The following ZDHHC2 variants were observed in gnomAD, a reference collection of about 807,000 sequenced individuals.
ZDHHC2 encodes the protein zDHHC palmitoyltransferase 2.
Under a neutral mutation model 55.6 loss-of-function variants are expected in ZDHHC2, and 51 were observed. That is an observed-to-expected ratio of 0.92 (90% confidence interval 0.73 to 1.16). The LOEUF is 1.16. Among genes scored for constraint, ZDHHC2 ranks in the 50% most tolerant of loss-of-function variants. The pLI, the probability that ZDHHC2 is intolerant of heterozygous loss-of-function variation, is 0.00. For missense variants in ZDHHC2, 491 were observed against 442.4 expected (o/e 1.11, Z -0.99); for synonymous variants, 199 against 152.9 (o/e 1.30, Z -2.22).
At position 17,186,832 on chromosome 8, in the gene ZDHHC2, A is replaced by T. The variant is rs138081357; in HGVS notation, c.252+407A>T. 2.7e-3 allele frequency among the ~76,000 whole-genome samples: 411 copies of T among 152,350 alleles called. 1 individual carries two copies. The highest frequency in any genetic ancestry group is 9.3e-3 in the African/African-American group (386 of 41,580). ...TAATGGCTTAGCTAATCTTCTCTGC[A>T]TTCAAAAAGTCTGTAGCTAGTCCAC... On this transcript the variant is annotated intron_variant, in intron 3 of 12. Transcript: ENST00000262096.
chr8:17,214,478 T>G (rs1190017603), intron 10 of ZDHHC2, among the ~76,000 whole-genome samples: 2 of 152,220 alleles, frequency 1.3e-5, no homozygotes, highest in African/African-American at 4.8e-5. Context: ...ACATTCATAT[T>G]TTCTTCCATA....
intron 2 of ZDHHC2, among the ~76,000 whole-genome samples, chr8:17,185,436 C>A (rs1038623456): frequency 6.6e-6 from 1 of 151,852 alleles, no homozygotes; most frequent in African/African-American, 2.4e-5. Flanking sequence ...GCGGGCAGAT[C>A]ATTTGAGGTC....
At chr8:17,194,236 C>A (rs1034065595) in intron 3 of ZDHHC2, among the ~76,000 whole-genome samples, 2 of 151,652 alleles carry the variant, frequency 1.3e-5, no homozygotes, top group African/African-American at 4.8e-5. Flanking sequence ...ATATGTGTGC[C>A]TCTGTCTTTA....
chr8:17,205,168 C>G (rs1227355586), intron 6 of ZDHHC2, among the ~76,000 whole-genome samples: 2 of 152,162 alleles, frequency 1.3e-5, no homozygotes, highest in African/African-American at 4.8e-5. Context: ...CTTAAAGCTC[C>G]CATTTAATAT....
Position 17,212,484 on chromosome 8 carries a change from T to C in ZDHHC2, c.950+2004T>C, listed in dbSNP as rs181414652. ...TCCTGGATTCCTCTCTTTCAATTAC[T>C]TTGTATTTACTCCATTTGCAAATCC... On this transcript the variant is annotated intron_variant, in intron 10 of 12. Transcript: ENST00000262096. Among the ~76,000 whole-genome samples, 83 of 152,340 alleles carry C rather than the reference T, an allele frequency of 5.4e-4. 1 individual carries two copies. Among genetic ancestry groups the C allele is most frequent in the Non-Finnish European group, 5.4e-4 (37 of 68,028 alleles).
intron 6 of ZDHHC2, among the ~76,000 whole-genome samples, chr8:17,203,645 T>C (rs1806928303): frequency 1.3e-5 from 2 of 152,082 alleles, no homozygotes; most frequent in African/African-American, 4.8e-5. Context: ...CAGAATACAG[T>C]TAGATTAGGC....
At position 17,223,181 on chromosome 8, in the gene ZDHHC2, T is replaced by C. The variant is rs527360642; in HGVS notation, c.*2960T>C. On this transcript the variant is annotated 3_prime_UTR_variant, in exon 13 of 13. Transcript: ENST00000262096. ...AAACGGGCTCGGCTGATTCTGAAAT[T>C]GTACTGTATCATTTGGTATTTACTT... The C allele has an allele frequency of 6.6e-6, 1 of 152,066 alleles. No homozygotes were observed. Among genetic ancestry groups the C allele is most frequent in the African/African-American group, 2.4e-5 (1 of 41,576 alleles). 9.4% of individuals were successfully genotyped at this position (152,066 alleles called of 1,614,324 possible).
intron 1 of ZDHHC2, among the ~76,000 whole-genome samples, chr8:17,177,030 A>G (rs765377166): frequency 7.9e-5 from 12 of 152,220 alleles, no homozygotes; most frequent in Non-Finnish European, 1.2e-4. Flanking sequence ...TTGACCTCTA[A>G]TACACTAAAA....
At chr8:17,198,291 G>C (rs1402874487) in intron 5 of ZDHHC2, 90 bp from the exon 6 acceptor site, 4 of 1,263,832 alleles carry the variant, frequency 3.2e-6, no homozygotes, top group Non-Finnish European at 4.2e-6. Flanking sequence ...TGCCGCAGCT[G>C]TTTGAACTAA....
chr8:17,198,533 T>G, intron 6 of ZDHHC2, 120 bp downstream of exon 6: 2 of 919,886 alleles, frequency 2.2e-6, no homozygotes, highest in Non-Finnish European at 3.0e-6. Context: ...TAGCAGGAAC[T>G]TTTGGATTTA....
intron 1 of ZDHHC2, among the ~76,000 whole-genome samples, chr8:17,167,634 T>TA (rs536777768): frequency 2.0e-5 from 3 of 152,284 alleles, no homozygotes; most frequent in Non-Finnish European, 4.4e-5. Context: ...CATATAACAA[T>TA]AAAAAACCTT....
rs1337223977 is a variant in ZDHHC2 at position 17,207,979 on chromosome 8, A to T, written c.617A>T (p.Gln206Leu). The T allele has an allele frequency of 6.4e-7, 1 of 1,573,528 alleles. No homozygotes were observed. Among genetic ancestry groups the T allele is most frequent in the Non-Finnish European group, 8.6e-7 (1 of 1,158,872 alleles). The change falls in exon 8 of 13, where the codon CAA (glutamine) becomes CTA (leucine). Residue 206 changes from glutamine (Q) to leucine (L), a missense_variant. Transcript: ENST00000262096. The stretch of plus-strand genomic sequence containing the variant: ...TTATAGAATGGCCTACCTGATACTC[A>T]AGCCAAGTTCCATATTATGTTTTTA... Reference protein sequence around the residue: ...KFWTNGLPDTQAKFHIMFLFF... With the variant: ...KFWTNGLPDTLAKFHIMFLFF...
intron 4 of ZDHHC2, among the ~76,000 whole-genome samples, 192 bp from the exon 5 acceptor site, chr8:17,197,390 C>G (rs1188173196): frequency 2.6e-5 from 4 of 152,094 alleles, no homozygotes; most frequent in African/African-American, 9.7e-5. Context: ...CTGGTTAAAC[C>G]TCCAGAGAAC....
chr8:17,177,066 G>A (rs937639437), intron 1 of ZDHHC2, among the ~76,000 whole-genome samples: 1 of 152,162 alleles, frequency 6.6e-6, no homozygotes, highest in Non-Finnish European at 1.5e-5. Flanking sequence ...TTGGAAAGTA[G>A]CTAAAAGGAC....
At chr8:17,160,966 T>A (rs1804315759) in intron 1 of ZDHHC2, among the ~76,000 whole-genome samples, 1 of 152,268 alleles carries the variant, frequency 6.6e-6, no homozygotes. Flanking sequence ...TTACTCGCAG[T>A]TTTGCTGTCT....
chr8:17,202,280 G>T (rs10101958), intron 6 of ZDHHC2, among the ~76,000 whole-genome samples: 10,870 of 139,986 alleles, frequency 0.078, 1,333 homozygotes, highest in African/African-American at 0.26. Context: ...GAGTGCAGTG[G>T]CACGATCTTG....
rs888374485 is a variant in ZDHHC2, at chr8:17,224,684, A to G, written c.*4463A>G. Reference sequence around the variant, plus strand: ...CAGAATGCGTCAGTTCTCCTGTTGTATTTTTCTCAGTTATGAGAGCAAGGC... The same window carrying G: ...CAGAATGCGTCAGTTCTCCTGTTGTGTTTTTCTCAGTTATGAGAGCAAGGC... On this transcript the variant is annotated 3_prime_UTR_variant, in exon 13 of 13. Transcript: ENST00000262096. 1.3e-4 allele frequency: 20 copies of G among 151,668 alleles called. No homozygotes were observed. Among genetic ancestry groups the G allele is most frequent in the Admixed American group, 1.1e-3 (16 of 15,188 alleles). 9.4% of individuals were successfully genotyped at this position (151,668 alleles called of 1,614,324 possible).
At chr8:17,197,474 A>G (rs1388017932) in intron 4 of ZDHHC2, 108 bp from the exon 5 acceptor site, 2 of 963,360 alleles carry the variant, frequency 2.1e-6, no homozygotes, top group Non-Finnish European at 3.1e-6. Context: ...CCATATTTAA[A>G]TTTCATATGC....
intron 10 of ZDHHC2, among the ~76,000 whole-genome samples, chr8:17,212,533 A>G (rs933438787): frequency 1.3e-5 from 2 of 152,126 alleles, no homozygotes; most frequent in Non-Finnish European, 2.9e-5. Flanking sequence ...TTTAAAGTAT[A>G]TCTATAATCT....
Sources: gnomAD v4.1 joint callset for allele counts (sites outside exome capture counted in the v4.1 genomes callset) on GRCh38, gnomAD v4.1.1 for gene constraint, MANE v1.5 for transcripts, NCBI Gene and HGNC (gene_info 2026-07-23, HGNC 2026-07-21) for gene names.